Variants in RNF220 observed in about 807,000 individuals in gnomAD.
RNF220 encodes the protein ring finger protein 220, also known as E3 ubiquitin-protein ligase RNF220.
A neutral mutation model predicts 67.1 loss-of-function variants in RNF220; 7 were observed. The observed-to-expected ratio is 0.10, with a 90% CI of 0.06 to 0.20. The LOEUF is 0.20. RNF220 is among the 10% of genes least tolerant of loss of function. The probability of loss-of-function intolerance (pLI) is 1.00; values close to 1 mark genes in which losing one functional copy is unlikely to be tolerated. For synonymous variants in RNF220, 270 were observed against 283.2 expected, an observed-to-expected ratio of 0.95 and a Z score of 0.47; for missense variants, 565 against 740.3, an observed-to-expected ratio of 0.76 and a Z score of 2.75.
chr1:44,459,751 A>G (rs1653577772), intron 2 of RNF220, among the ~76,000 whole-genome samples: 1 of 152,200 alleles, frequency 6.6e-6, no homozygotes, highest in Non-Finnish European at 1.5e-5. Context: ...ATCCACATGC[A>G]AGGAAGCCTG....
At chr1:44,636,313 C>T (rs987771281) in intron 8 of RNF220, 151 bp downstream of exon 8, 19 of 957,456 alleles carry the variant, frequency 2.0e-5, no homozygotes, top group South Asian at 2.7e-5. Context: ...CCTTTGTGAC[C>T]GTGCTGCCTG....
At chr1:44,424,098 TAGG>T (rs1649502421) in intron 2 of RNF220, 3 of 819,886 alleles carry the variant, frequency 3.7e-6, no homozygotes, top group Non-Finnish European at 4.4e-6. Context: ...ATCAAAGAAG[TAGG>T]AGATGATACT....
At chr1:44,579,151 G>A (rs1019880878) in intron 2 of RNF220, among the ~76,000 whole-genome samples, 6 of 150,454 alleles carry the variant, frequency 4.0e-5, no homozygotes, top group Non-Finnish European at 3.0e-5. Context: ...TCGAGACTCT[G>A]TCTCAGAAAA....
Position 44,428,083 on chromosome 1 carries a change from G to A in RNF220, c.625+15361G>A, listed in dbSNP as rs933970070. 5.9e-5 allele frequency among the ~76,000 whole-genome samples: 9 copies of A among 152,268 alleles called. No individual in the cohort carries two copies. The East Asian group carries it at 9.7e-4, about 16-fold the overall frequency. On this transcript the variant is annotated intron_variant, in intron 2 of 14. Coordinates refer to ENST00000361799, the MANE Select transcript of RNF220 (RefSeq NM_018150.4). ...TTTTCCTTCTTGGCTTCAGTTATAT[G>A]GGGGCTGGAGCAGGGATGAGTTTAG...
chr1:44,450,379 A>G (rs1652549743), intron 2 of RNF220, among the ~76,000 whole-genome samples: 1 of 152,170 alleles, frequency 6.6e-6, no homozygotes, highest in Non-Finnish European at 1.5e-5. Flanking sequence ...AAAAAAATAA[A>G]TTACAGAAAT....
Position 44,614,374 on chromosome 1 carries a change from G to T in RNF220, c.758+77G>T, listed in dbSNP as rs555177052. The T allele has an allele frequency of 5.2e-6, 8 of 1,541,202 alleles. No individual in the cohort carries two copies. In the East Asian group the frequency reaches 1.4e-4, roughly 26 times the overall value. On this transcript the variant is annotated intron_variant, in intron 3 of 14. Coordinates refer to ENST00000361799, the MANE Select transcript of RNF220 (RefSeq NM_018150.4). The stretch of plus-strand genomic sequence containing the variant: ...TGGCCACCGGATCCCAGAAGCAGCC[G>T]CCTGGCCCATACCCCAGCCCCTCGG...
At chr1:44,567,061 C>T (rs764949324) in intron 2 of RNF220, among the ~76,000 whole-genome samples, 8 of 152,160 alleles carry the variant, frequency 5.3e-5, no homozygotes, top group Non-Finnish European at 1.2e-4. Flanking sequence ...TGGAGAATCA[C>T]TCCTTTAATG....
chr1:44,423,746 C>G (rs542407696), intron 2 of RNF220: 1 of 700,740 alleles, frequency 1.4e-6, no homozygotes, highest in South Asian at 6.4e-5. Flanking sequence ...CTCGCTTGGC[C>G]GTTAAACTAA....
rs575777579 is a variant in RNF220, at chr1:44,545,918, G to A, written c.626-68247G>A. Among the ~76,000 whole-genome samples, 7 of 152,116 alleles carry A rather than the reference G, an allele frequency of 4.6e-5. No homozygotes were observed. In the East Asian group the frequency reaches 7.7e-4, roughly 17 times the overall value. ...ATTACAGGCATGCGCCACCACGCCCGGCTAATTTTCTATTTATAGTAGAGA... is the reference window on the plus strand; with the variant it reads ...ATTACAGGCATGCGCCACCACGCCCAGCTAATTTTCTATTTATAGTAGAGA... On this transcript the variant is annotated intron_variant, in intron 2 of 14. Coordinates refer to ENST00000361799, the MANE Select transcript of RNF220 (RefSeq NM_018150.4).
At chr1:44,559,556 G>A (rs983473707) in intron 2 of RNF220, among the ~76,000 whole-genome samples, 1 of 152,270 alleles carries the variant, frequency 6.6e-6, no homozygotes, top group Non-Finnish European at 1.5e-5. Flanking sequence ...ATCAGGCTGC[G>A]CTCCAGCGGT....
intron 1 of RNF220, among the ~76,000 whole-genome samples, chr1:44,408,069 C>T (rs560412600): frequency 1.3e-5 from 2 of 152,334 alleles, no homozygotes; most frequent in African/African-American, 4.8e-5. Context: ...CAACCGAGAG[C>T]CGGAGGGAGA....
chr1:44,616,046 C>T (rs988003939), intron 3 of RNF220, among the ~76,000 whole-genome samples: 4 of 152,172 alleles, frequency 2.6e-5, no homozygotes, highest in South Asian at 2.1e-4. Flanking sequence ...GGCCTCAGTT[C>T]CCCCACATGT....
At chr1:44,434,704 G>T (rs879411000) in intron 2 of RNF220, among the ~76,000 whole-genome samples, 1 of 134,622 alleles carries the variant, frequency 7.4e-6, no homozygotes, top group Non-Finnish European at 1.6e-5. Context: ...GCGACAGAGC[G>T]AGACTCTCTT....
At chr1:44,635,874 C>T (rs975748926) in intron 7 of RNF220, 156 bp from the exon 8 acceptor site, 1 of 1,382,252 alleles carries the variant, frequency 7.2e-7, no homozygotes, top group African/African-American at 1.4e-5. Flanking sequence ...AGGCCCAGGT[C>T]TTTGACCTCT....
At chr1:44,431,656 G>A (rs1045159019) in intron 2 of RNF220, among the ~76,000 whole-genome samples, 28 of 152,146 alleles carry the variant, frequency 1.8e-4, no homozygotes, top group African/African-American at 6.8e-4. Context: ...ACTTAAGTTG[G>A]CGCTAGAGCC....
chr1:44,646,964 A>G (rs1413581184), intron 12 of RNF220, among the ~76,000 whole-genome samples: 1 of 152,236 alleles, frequency 6.6e-6, no homozygotes, highest in South Asian at 2.1e-4. Flanking sequence ...GGAGGGACTC[A>G]GGAATAGCTC....
Position 44,622,678 on chromosome 1 carries a change from C to G in RNF220, c.759-64C>G. ...CTCTGTCTTTGGGGTCTTCTTGCTA[C>G]TCTACCGTTGCATGCCCTGGGCAGC... On this transcript the variant is annotated intron_variant, in intron 3 of 14. Coordinates refer to ENST00000361799, the MANE Select transcript of RNF220 (RefSeq NM_018150.4). This position sits in a 1 kb window ranked among gnomAD's most constrained non-coding sequence, Gnocchi z 4.3. 6.9e-7 allele frequency: 1 copy of G among 1,458,136 alleles called. No individual in the cohort carries two copies. Among genetic ancestry groups the G allele is most frequent in the Admixed American group, 1.7e-5 (1 of 59,506 alleles). 90.3% of individuals were successfully genotyped at this position (1,458,136 alleles called of 1,614,324 possible).
Position 44,649,401 on chromosome 1 carries a change from A to G in RNF220, c.1446-260A>G. On this transcript the variant is annotated intron_variant, in intron 12 of 14. Transcript: ENST00000361799. This position sits in a 1 kb window ranked among gnomAD's most constrained non-coding sequence, Gnocchi z 5.9. ...AGATGACAGATTTGGGTGGTTGGGA[A>G]GACTGCGAAGGAGTGGTTGAAAATG... 1.9e-6 allele frequency: 1 copy of G among 526,700 alleles called. No homozygotes were observed. Among genetic ancestry groups the G allele is most frequent in the South Asian group, 2.1e-5 (1 of 47,380 alleles). 32.6% of individuals were successfully genotyped at this position (526,700 alleles called of 1,614,324 possible). A position where few individuals can be genotyped will look rare whatever the true frequency, so the allele number is the denominator to read the frequency against.
intron 2 of RNF220, among the ~76,000 whole-genome samples, chr1:44,589,839 A>G (rs1336512604): frequency 6.6e-6 from 1 of 152,194 alleles, no homozygotes; most frequent in Non-Finnish European, 1.5e-5. Context: ...AGCTGGGACT[A>G]CAAAGAATAT....
Sources: allele counts gnomAD v4.1 joint callset (sites outside exome capture counted in the v4.1 genomes callset), GRCh38; gene constraint gnomAD v4.1.1; non-coding constraint Gnocchi (gnomAD v3.1); transcripts MANE v1.5; gene names NCBI Gene and HGNC (gene_info 2026-07-23, HGNC 2026-07-21).